Variants in RBFOX3 observed in about 807,000 individuals in gnomAD.
RBFOX3 encodes the protein RNA binding fox-1 homolog 3.
RBFOX3 carries 17 observed loss-of-function variants against 48.7 expected under a neutral mutation model. The observed-to-expected ratio is 0.35, with a 90% CI of 0.24 to 0.52. The LOEUF (loss-of-function observed/expected upper bound fraction) is 0.52, where lower values mean the gene tolerates loss of function less well. RBFOX3 is among the 20% of genes least tolerant of loss of function. RBFOX3 has a pLI of 0.94. For missense variants in RBFOX3, 382 were observed against 497.5 expected (o/e 0.77, Z 2.21); for synonymous variants, 212 against 209.5 (o/e 1.01, Z -0.10).
chr17:79,403,218 T>A (rs560210717), intron 2 of RBFOX3, among the ~76,000 whole-genome samples: 1 of 152,230 alleles, frequency 6.6e-6, no homozygotes, highest in Non-Finnish European at 1.5e-5. Context: ...CCACCCTGTA[T>A]GTCCTCCTGA....
rs1206968309 is a variant in RBFOX3, at chr17:79,508,186, C to T, written c.-319-25588G>A. Among the ~76,000 whole-genome samples, 5 of 152,328 alleles carry T rather than the reference C, an allele frequency of 3.3e-5. No individual in the cohort carries two copies. The East Asian group carries it at 9.7e-4, about 29-fold the overall frequency. ...GACGGCAGCCCCTGCGCTCGCTGGC[C>T]TTCTAGAAAAGCCCACCCGGTGGGC... On this transcript the variant is annotated intron_variant, in intron 1 of 14. Coordinates refer to ENST00000693108, the MANE Select transcript of RBFOX3 (RefSeq NM_001350451.2).
the RBFOX3 span, among the ~76,000 whole-genome samples, chr17:79,654,703 T>A: frequency 6.6e-6 from 1 of 152,206 alleles, no homozygotes. Context: ...TCCTTCAGAA[T>A]CGTTTTAGCA....
chr17:79,458,197 G>A (rs1350555810), intron 2 of RBFOX3, among the ~76,000 whole-genome samples: 2 of 152,238 alleles, frequency 1.3e-5, no homozygotes, highest in Non-Finnish European at 2.9e-5. Context: ...CGGCGCACAC[G>A]GTTACCCTTA....
At chr17:79,432,161 G>C (rs962152109) in intron 2 of RBFOX3, among the ~76,000 whole-genome samples, 1 of 152,150 alleles carries the variant, frequency 6.6e-6, no homozygotes, top group African/African-American at 2.4e-5. Context: ...AATATTCTCT[G>C]GCATGGACAG....
At chr17:79,557,882 A>G (rs1325565190) in intron 1 of RBFOX3, among the ~76,000 whole-genome samples, 2 of 152,220 alleles carry the variant, frequency 1.3e-5, no homozygotes, top group Non-Finnish European at 2.9e-5. Flanking sequence ...CCGAGGACGC[A>G]GGGGGTGGCG....
At chr17:79,217,720 C>G (rs1337443536) in intron 4 of RBFOX3, among the ~76,000 whole-genome samples, 1 of 152,060 alleles carries the variant, frequency 6.6e-6, no homozygotes, top group Non-Finnish European at 1.5e-5. Flanking sequence ...CCCCTCATGT[C>G]TCTGCCTGAA....
intron 11 of RBFOX3, 114 bp downstream of exon 11, chr17:79,097,178 C>CA (rs960808508): frequency 7.9e-6 from 7 of 884,056 alleles, no homozygotes; most frequent in African/African-American, 5.2e-5. Flanking sequence ...GATCCTCCCC[C>CA]CCCCCAGGTC....
rs556469455 is a variant in RBFOX3, at chr17:79,311,180, C to T, written c.-174-3356G>A. The stretch of plus-strand genomic sequence containing the variant: ...GGGCGCAGTGGCTCACGCCTATAAT[C>T]CCAGCACTTTGGGAGGCCGAGGCGG... On this transcript the variant is annotated intron_variant, in intron 2 of 14. Transcript: ENST00000693108. This position sits in a 1 kb window ranked among gnomAD's most constrained non-coding sequence, Gnocchi z 4.2. Among the ~76,000 whole-genome samples the T allele has an allele frequency of 1.3e-5, 2 of 152,312 alleles. No homozygotes were observed. Among genetic ancestry groups the T allele is most frequent in the African/African-American group, 4.8e-5 (2 of 41,570 alleles).
At chr17:79,247,380 T>A (rs1231732000) in intron 3 of RBFOX3, among the ~76,000 whole-genome samples, 1 of 143,870 alleles carries the variant, frequency 7.0e-6, no homozygotes, top group African/African-American at 2.6e-5. Flanking sequence ...TGGCACCATC[T>A]TGGCTCACAG....
chr17:79,467,916 C>T (rs2076529384), intron 2 of RBFOX3, among the ~76,000 whole-genome samples: 1 of 151,998 alleles, frequency 6.6e-6, no homozygotes, highest in Non-Finnish European at 1.5e-5. Flanking sequence ...CTCTGTGGCT[C>T]CTGAGCATGG....
chr17:79,177,410 C>T (rs779495162), intron 4 of RBFOX3, among the ~76,000 whole-genome samples: 1 of 152,234 alleles, frequency 6.6e-6, no homozygotes, highest in Non-Finnish European at 1.5e-5. Flanking sequence ...GGGCAGCAGA[C>T]ACCCCGCTGT....
intron 2 of RBFOX3, among the ~76,000 whole-genome samples, chr17:79,331,173 G>A (rs2080228318): frequency 6.6e-6 from 1 of 152,098 alleles, no homozygotes; most frequent in South Asian, 2.1e-4. Context: ...TCTGTTCCTT[G>A]ACAACCCCTC....
Position 79,143,082 on chromosome 17 carries a change from G to C in RBFOX3, c.-33-27334C>G, listed in dbSNP as rs114486529. On this transcript the variant is annotated intron_variant, in intron 4 of 14. Transcript: ENST00000693108. ...CCATCTGTAAAGGGGACTCACAGCA[G>C]GCTGCAAGGGCTGGGCTAACAGTAA... Among the ~76,000 whole-genome samples the C allele has an allele frequency of 6.2e-3, 951 of 152,306 alleles. 13 individuals carry two copies. Among genetic ancestry groups the C allele is most frequent in the African/African-American group, 0.022 (911 of 41,554 alleles).
chr17:79,238,523 A>T (rs1237780033), intron 3 of RBFOX3, among the ~76,000 whole-genome samples: 1 of 152,158 alleles, frequency 6.6e-6, no homozygotes, highest in Non-Finnish European at 1.5e-5. Context: ...CCCAGGCTCT[A>T]TGCCCAAGCC....
chr17:79,450,509 T>C (rs782806459), intron 2 of RBFOX3, among the ~76,000 whole-genome samples: 3 of 151,214 alleles, frequency 2.0e-5, no homozygotes, highest in Non-Finnish European at 4.4e-5. Flanking sequence ...GAATTACAAG[T>C]TCATCCAAAC....
chr17:79,372,909 G>T (rs913928762), intron 2 of RBFOX3, among the ~76,000 whole-genome samples: 1 of 152,180 alleles, frequency 6.6e-6, no homozygotes, highest in Admixed American at 6.5e-5. Flanking sequence ...AGTCTATAAC[G>T]CAGAGCAAGA....
chr17:79,197,946 C>G (rs1323001278), intron 4 of RBFOX3, among the ~76,000 whole-genome samples: 1 of 152,216 alleles, frequency 6.6e-6, no homozygotes, highest in Non-Finnish European at 1.5e-5. Context: ...AGGGGGTCTG[C>G]CCTGCACCAG....
chr17:79,169,114 G>A (rs1371809202), intron 4 of RBFOX3, among the ~76,000 whole-genome samples: 1 of 151,524 alleles, frequency 6.6e-6, no homozygotes, highest in Non-Finnish European at 1.5e-5. Flanking sequence ...GGGCGGATCC[G>A]TGGGGACTGT....
In RBFOX3 at chr17:79,557,614, C is replaced by T. The variant is rs940569459; in HGVS notation, c.-320+53212G>A. Among the ~76,000 whole-genome samples, 5 of 152,306 alleles carry T rather than the reference C, an allele frequency of 3.3e-5. No individual in the cohort carries two copies. The East Asian group carries it at 9.6e-4, about 29-fold the overall frequency. On this transcript the variant is annotated intron_variant, in intron 1 of 14. Transcript: ENST00000693108. The stretch of plus-strand genomic sequence containing the variant: ...ATTTTCATAGGTGCCACCAAATTAG[C>T]GGCTGTTGGTGAGGCCGAAGAAACG...
Sources: allele counts gnomAD v4.1 joint callset (sites outside exome capture counted in the v4.1 genomes callset), GRCh38; gene constraint gnomAD v4.1.1; non-coding constraint Gnocchi (gnomAD v3.1); transcripts MANE v1.5; gene names NCBI Gene and HGNC (gene_info 2026-07-23, HGNC 2026-07-21).